CFAP46: variants seen among roughly 807,000 people sequenced by gnomAD.
The protein encoded by CFAP46 is cilia- and flagella-associated protein 46.
CFAP46 carries 245 observed loss-of-function variants against 325.7 expected under a neutral mutation model. The ratio of observed to expected loss-of-function variants is 0.75; its 90% CI spans 0.68 to 0.84. The LOEUF is 0.84. Among genes scored for constraint, CFAP46 ranks in the 40% least tolerant of loss-of-function variants. The pLI is 0.00. For synonymous variants in CFAP46, 1,523 were observed against 1,495.9 expected (o/e 1.02, Z -0.42); for missense variants, 3,346 against 3,543.0 (o/e 0.94, Z 1.41).
At chr10:132,863,240 A>G (rs1848749682) in intron 35 of CFAP46, among the ~76,000 whole-genome samples, 1 of 152,032 alleles carries the variant, frequency 6.6e-6, no homozygotes, top group Non-Finnish European at 1.5e-5. Context: ...ACCACCTCCC[A>G]CTGCCTCCCG....
intron 24 of CFAP46, among the ~76,000 whole-genome samples, chr10:132,897,027 C>T (rs916157044): frequency 6.6e-6 from 1 of 152,222 alleles, no homozygotes; most frequent in Non-Finnish European, 1.5e-5. Flanking sequence ...ACAGTCTCTT[C>T]AAGTGGTGCT....
rs553427965 is a variant in CFAP46 at position 132,924,827 on chromosome 10, G to A, written c.1125C>T (p.Gly375=). The part of the protein sequence containing the change: ...DVALQRAVRL[G]DPRVIHVVCA... Reference sequence around the variant, plus strand: ...ACACCACGTGGATGACCCGGGGGTCGCCCAGGCGCACGGCTCGCTGCAGCG... The same window carrying A: ...ACACCACGTGGATGACCCGGGGGTCACCCAGGCGCACGGCTCGCTGCAGCG... Residue 375 remains glycine, a synonymous_variant, in exon 11 of 58, where the codon GGC becomes GGT. Coordinates refer to ENST00000368586, the MANE Select transcript of CFAP46 (RefSeq NM_001200049.3). 1.2e-5 allele frequency: 17 copies of A among 1,455,578 alleles called. No individual in the cohort carries two copies. Among genetic ancestry groups the A allele is most frequent in the East Asian group, 5.5e-5 (2 of 36,198 alleles). The allele number at this position is 1,455,578 out of a possible 1,614,324, so 90.2% of individuals were successfully genotyped here. A position where few individuals can be genotyped will look rare whatever the true frequency, so the allele number is the denominator to read the frequency against.
At chr10:132,860,725 CCACCAAG>C (rs1848709596) in intron 36 of CFAP46, 50 bp downstream of exon 36, 1 of 1,529,964 alleles carries the variant, frequency 6.5e-7, no homozygotes, top group Non-Finnish European at 8.8e-7. Context: ...CCCTTCCTCT[CCACCAAG>C]CACCTGGCCC....
Position 132,908,474 on chromosome 10 carries a change from A to C in CFAP46, c.2918T>G (p.Phe973Cys). 1 of 1,550,496 alleles carries C rather than the reference A, an allele frequency of 6.4e-7. No individual in the cohort carries two copies. Among genetic ancestry groups the C allele is most frequent in the Non-Finnish European group, 8.7e-7 (1 of 1,146,984 alleles). ...LEMGIKYLKK[F>C]GPEESRLVAE... ...AGTCATGAGGGTTACTTACGGCCCA[A>C]ATTTCTTCAGGTACTTGATGCCCAT... is the stretch of plus-strand genomic sequence containing the variant. Residue 973 changes from phenylalanine to cysteine, a missense_variant, in exon 22 of 58, where the codon TTT becomes TGT. Phe to Cys is a radical substitution (Grantham distance 205). Coordinates refer to ENST00000368586, the MANE Select transcript of CFAP46 (RefSeq NM_001200049.3).
In CFAP46 at chr10:132,877,146, A is replaced by G. The variant is rs1328365755; in HGVS notation, c.4213-185T>C. ...GATACTGTTTCCAGGCAGTGCACGC[A>G]AAGCTTTCTGCCCCGTGCACAGCCA... is the stretch of plus-strand genomic sequence containing the variant. On this transcript the variant is annotated intron_variant, in intron 30 of 57. Transcript: ENST00000368586. This position sits in a 1 kb window ranked among gnomAD's most constrained non-coding sequence, Gnocchi z 5.7. Among the ~76,000 whole-genome samples, 1 of 152,176 alleles carries G rather than the reference A, an allele frequency of 6.6e-6. No individual in the cohort carries two copies. Among genetic ancestry groups the G allele is most frequent in the Non-Finnish European group, 1.5e-5 (1 of 68,016 alleles).
chr10:132,886,927 T>C lies in CFAP46; in HGVS notation c.3305-968A>G, dbSNP rs1033358016. Among the ~76,000 whole-genome samples the C allele has an allele frequency of 7.9e-5, 12 of 152,034 alleles. No homozygotes were observed. The highest frequency in any genetic ancestry group is 2.6e-4 in the Admixed American group (4 of 15,278). ...CAGCCCAGCCTGCACACCCTTCCCC[T>C]GACGGTAATTCCCACACCCTCCCAG... On this transcript the variant is annotated intron_variant, in intron 25 of 57. Coordinates refer to ENST00000368586, the MANE Select transcript of CFAP46 (RefSeq NM_001200049.3). This position sits in a 1 kb window ranked among gnomAD's most constrained non-coding sequence, Gnocchi z 5.8.
At chr10:132,822,825 G>T (rs1419773266) in intron 50 of CFAP46, among the ~76,000 whole-genome samples, 1 of 129,402 alleles carries the variant, frequency 7.7e-6, no homozygotes, top group Non-Finnish European at 1.6e-5. Context: ...TGTGCTGTGT[G>T]TGCTGATGTG....
Position 132,858,237 on chromosome 10 carries a change from TG to T in CFAP46, c.5376-450del, listed in dbSNP as rs1848671619. Among the ~76,000 whole-genome samples, 3 of 121,954 alleles carry T rather than the reference TG, an allele frequency of 2.5e-5. No homozygotes were observed. In the South Asian group the frequency reaches 7.7e-4, roughly 31 times the overall value. The allele number at this position is 121,954 out of a possible 152,430, so 80.0% of individuals were successfully genotyped here. ...GTGGACAAGTCCGGGGGCCATAGGT[TG>T]GGGGCAGGGCAGTGGGCAGGGCCAG... On this transcript the variant is annotated intron_variant, in intron 38 of 57. Transcript: ENST00000368586.
At chr10:132,834,180 T>C in intron 48 of CFAP46, 57 bp from the exon 49 acceptor site, 1 of 1,508,234 alleles carries the variant, frequency 6.6e-7, no homozygotes, top group Non-Finnish European at 9.2e-7. Flanking sequence ...ACGCTTGGAA[T>C]ATAGGCGACA....
chr10:132,833,303 T>C (rs965426182), intron 50 of CFAP46, 55 bp downstream of exon 50: 9 of 1,509,646 alleles, frequency 6.0e-6, no homozygotes, highest in Admixed American at 1.9e-5. Flanking sequence ...TGAAAAATAA[T>C]TTAAATATTT....
At chr10:132,826,968 C>G (rs1848067786) in intron 50 of CFAP46, among the ~76,000 whole-genome samples, 1 of 152,200 alleles carries the variant, frequency 6.6e-6, no homozygotes, top group South Asian at 2.1e-4. Flanking sequence ...GGTGCAGGTG[C>G]TGCCTCCTGC....
rs1849098309 is a variant in CFAP46, at chr10:132,884,854, C to T, written c.3627+249G>A. Among the ~76,000 whole-genome samples, 1 of 152,172 alleles carries T rather than the reference C, an allele frequency of 6.6e-6. No individual in the cohort carries two copies. Among genetic ancestry groups the T allele is most frequent in the South Asian group, 2.1e-4 (1 of 4,834 alleles). ...CCCTCTGGGCCCCCCTCACCCTGCT[C>T]AGGGACGAGGACCTGACCACGACCC... On this transcript the variant is annotated intron_variant, in intron 27 of 57. Coordinates refer to ENST00000368586, the MANE Select transcript of CFAP46 (RefSeq NM_001200049.3). This position sits in a 1 kb window ranked among gnomAD's most constrained non-coding sequence, Gnocchi z 5.4.
chr10:132,916,695 C>T lies in CFAP46; in HGVS notation c.1987-13G>A, dbSNP rs1849645038. On this transcript the variant is annotated splice_polypyrimidine_tract_variant and intron_variant, in intron 16 of 57. Coordinates refer to ENST00000368586, the MANE Select transcript of CFAP46 (RefSeq NM_001200049.3). ...AATGAACCGTGGCCTGCAAAACACA[C>T]ATGCGGTGGGAGGGGTCATGGGCGG... is the stretch of plus-strand genomic sequence containing the variant. The T allele has an allele frequency of 2.8e-6, 4 of 1,453,510 alleles. No homozygotes were observed. The highest frequency in any genetic ancestry group is 1.4e-5 in the African/African-American group (1 of 69,026). 90.0% of individuals were successfully genotyped at this position (1,453,510 alleles called of 1,614,324 possible).
chr10:132,810,451 G>T lies in CFAP46; in HGVS notation c.7622C>A (p.Ala2541Glu), dbSNP rs143790683. 24 of 1,613,446 alleles carry T rather than the reference G, an allele frequency of 1.5e-5. No homozygotes were observed. The highest frequency in any genetic ancestry group is 1.9e-5 in the Non-Finnish European group (22 of 1,179,958). The part of the protein sequence containing the change: ...GRWEANWRNS[A>E]SPSEDEWRRG... ...TCGCCACTCATCTTCTGAAGGAGAC[G>T]CACTGTTTCTCCAATTGGCTTCCCA... The change falls in exon 57 of 58, where the codon GCG (alanine) becomes GAG (glutamate). Residue 2541 changes from alanine to glutamate, a missense_variant. By Grantham distance (107) the Ala-to-Glu change is moderately radical (BLOSUM62 -1). Coordinates refer to ENST00000368586, the MANE Select transcript of CFAP46 (RefSeq NM_001200049.3).
chr10:132,941,303 G>A (rs1020040952), intron 3 of CFAP46, among the ~76,000 whole-genome samples: 5 of 152,130 alleles, frequency 3.3e-5, no homozygotes, highest in African/African-American at 4.8e-5. Context: ...GCTCCAGCAC[G>A]CCCGCCCCAC....
chr10:132,860,773 G>A lies in CFAP46; in HGVS notation c.5091+9C>T. 1 of 1,550,256 alleles carries A rather than the reference G, an allele frequency of 6.5e-7. No homozygotes were observed. The highest frequency in any genetic ancestry group is 1.2e-5 in the South Asian group (1 of 84,036). On this transcript the variant is annotated intron_variant, in intron 36 of 57. Transcript: ENST00000368586. The stretch of plus-strand genomic sequence containing the variant: ...CCGACATGCAGCCCCAGGTCCCCGT[G>A]CCTCTTACCGTAGCTTCCCTTCCTG...
intron 11 of CFAP46, 143 bp downstream of exon 11, chr10:132,924,553 G>C (rs1458151615): frequency 1.3e-6 from 1 of 762,166 alleles, no homozygotes; most frequent in Non-Finnish European, 1.9e-6. Flanking sequence ...AGCTGGGACA[G>C]AGGGTGGCCC....
chr10:132,908,229 A>G (rs1404127801), intron 22 of CFAP46: 8 of 533,850 alleles, frequency 1.5e-5, no homozygotes, highest in Admixed American at 1.0e-4. Context: ...GACCTGGTGG[A>G]GTGCTCACCT....
In CFAP46 at chr10:132,916,580, G is replaced by T. The variant is rs1247144970; in HGVS notation, c.2089C>A (p.Pro697Thr). Residue 697 changes from proline (P) to threonine (T), a missense_variant, in exon 17 of 58, where the codon CCG (proline) becomes ACG (threonine). Coordinates refer to ENST00000368586, the MANE Select transcript of CFAP46 (RefSeq NM_001200049.3). The part of the protein sequence containing the change: ...QHPAGYVPEP[P>T]EVNAEWITYR... ...GTGATCCACTCAGCATTCACCTCCG[G>T]GGGCTCAGGCACGTAGCCAGCTGGG... The T allele has an allele frequency of 1.3e-6, 2 of 1,547,952 alleles. No individual in the cohort carries two copies. The highest frequency in any genetic ancestry group is 2.4e-5 in the South Asian group (2 of 83,922).
Sources: gnomAD v4.1 joint callset for allele counts (sites outside exome capture counted in the v4.1 genomes callset) on GRCh38, gnomAD v4.1.1 for gene constraint, Gnocchi (gnomAD v3.1) non-coding constraint, MANE v1.5 for transcripts, NCBI Gene and HGNC (gene_info 2026-07-23, HGNC 2026-07-21) for gene names.